DNER: variants seen among roughly 807,000 people sequenced by gnomAD.
The protein encoded by DNER is delta and Notch-like epidermal growth factor-related receptor.
DNER carries 33 observed loss-of-function variants against 78.2 expected under a neutral mutation model. That is an observed-to-expected ratio of 0.42 (90% CI 0.32 to 0.56). DNER has a LOEUF of 0.56. Among genes scored for constraint, DNER ranks in the 20% least tolerant of loss-of-function variants. The probability of loss-of-function intolerance (pLI) is 0.11; values close to 1 mark genes in which losing one functional copy is unlikely to be tolerated. For synonymous variants in DNER, 417 were observed against 384.8 expected (o/e 1.08, Z -0.98); for missense variants, 918 against 975.3 (o/e 0.94, Z 0.78).
chr2:229,425,801 G>A (rs541608554), intron 8 of DNER, among the ~76,000 whole-genome samples: 28 of 152,302 alleles, frequency 1.8e-4, no homozygotes, highest in Middle Eastern at 3.4e-3. Context: ...CCTCTGGAGC[G>A]TGATTTGTGC....
intron 4 of DNER, among the ~76,000 whole-genome samples, chr2:229,567,835 T>C (rs1005363334): frequency 1.3e-5 from 2 of 152,198 alleles, no homozygotes; most frequent in Non-Finnish European, 2.9e-5. Flanking sequence ...AGAGTCTCCC[T>C]TATCTGTCCA....
intron 11 of DNER, among the ~76,000 whole-genome samples, chr2:229,370,281 A>C (rs1364383400): frequency 1.3e-5 from 2 of 152,214 alleles, no homozygotes; most frequent in African/African-American, 4.8e-5. Context: ...ATGCTTCCTG[A>C]GAATCTGAGA....
chr2:229,371,335 C>G (rs1692478280), intron 11 of DNER, among the ~76,000 whole-genome samples: 1 of 152,182 alleles, frequency 6.6e-6, no homozygotes, highest in Admixed American at 6.5e-5. Flanking sequence ...AGTCTCATCA[C>G]ATGAATTGTT....
intron 10 of DNER, among the ~76,000 whole-genome samples, chr2:229,401,362 T>C (rs1458471304): frequency 6.6e-6 from 1 of 152,102 alleles, no homozygotes; most frequent in African/African-American, 2.4e-5. Flanking sequence ...TGTTCACACA[T>C]AAACCTATAT....
intron 1 of DNER, among the ~76,000 whole-genome samples, chr2:229,641,642 C>G (rs1448433954): frequency 6.6e-6 from 1 of 151,658 alleles, no homozygotes. Context: ...GTCCTCTGAT[C>G]CATTAGCAAT....
intron 1 of DNER, among the ~76,000 whole-genome samples, chr2:229,607,874 T>C (rs928266117): frequency 2.0e-5 from 3 of 151,644 alleles, no homozygotes; most frequent in Non-Finnish European, 2.9e-5. Context: ...AATACAAAAT[T>C]AACCGGGCAT....
intron 8 of DNER, among the ~76,000 whole-genome samples, chr2:229,428,434 G>A (rs1292648106): frequency 6.6e-6 from 1 of 152,132 alleles, no homozygotes; most frequent in Non-Finnish European, 1.5e-5. Flanking sequence ...CCAGATTCCT[G>A]GCTGTTTTGT....
intron 6 of DNER, among the ~76,000 whole-genome samples, chr2:229,506,728 C>G (rs1227630091): frequency 7.2e-6 from 1 of 138,802 alleles, no homozygotes; most frequent in East Asian, 2.4e-4. Context: ...TCCAAGTGTT[C>G]TCACTGTTCA....
intron 10 of DNER, among the ~76,000 whole-genome samples, chr2:229,405,889 A>G (rs1337475655): frequency 1.3e-5 from 2 of 152,124 alleles, no homozygotes; most frequent in East Asian, 3.9e-4. Flanking sequence ...TATCTGGGGA[A>G]AAAAAACCCG....
intron 5 of DNER, among the ~76,000 whole-genome samples, chr2:229,525,135 GCGTGTGTCTCAA>G (rs1293653578): frequency 6.6e-6 from 1 of 152,156 alleles, no homozygotes; most frequent in Admixed American, 6.5e-5. Context: ...TAAAAAATAT[GCGTGTGTCTCAA>G]CGCCCATCTT....
chr2:229,586,619 T>G, intron 3 of DNER: 1 of 980,692 alleles, frequency 1.0e-6, no homozygotes, highest in Non-Finnish European at 1.2e-6. Flanking sequence ...CAACCCCAGC[T>G]GCCCTCCTGC....
chr2:229,665,334 T>G (rs1699070699), intron 1 of DNER, among the ~76,000 whole-genome samples: 1 of 152,162 alleles, frequency 6.6e-6, no homozygotes. Context: ...CCAGTGTTTG[T>G]TCCAAGGGTT....
At chr2:229,543,311 G>A (rs191758780) in intron 5 of DNER, among the ~76,000 whole-genome samples, 115 of 152,122 alleles carry the variant, frequency 7.6e-4, no homozygotes, top group African/African-American at 2.7e-3. Flanking sequence ...TTACCTGCCC[G>A]GTGCTAAACA....
chr2:229,441,114 G>A (rs915468222), intron 8 of DNER, among the ~76,000 whole-genome samples: 2 of 151,974 alleles, frequency 1.3e-5, no homozygotes, highest in South Asian at 2.1e-4. Flanking sequence ...ACCTATTGCT[G>A]CATCTAATGC....
At chr2:229,482,962 A>G (rs1377518322) in intron 6 of DNER, among the ~76,000 whole-genome samples, 2 of 152,162 alleles carry the variant, frequency 1.3e-5, no homozygotes, top group Non-Finnish European at 2.9e-5. Flanking sequence ...CTAAGGAGGG[A>G]AGGAAAATAG....
At chr2:229,370,598 C>A (rs1220475566) in intron 11 of DNER, among the ~76,000 whole-genome samples, 1 of 152,180 alleles carries the variant, frequency 6.6e-6, no homozygotes, top group Non-Finnish European at 1.5e-5. Context: ...CTGGTGTGCA[C>A]TGAGAGAGAC....
At chr2:229,387,505 A>AAGAG (rs201937567) in intron 11 of DNER, among the ~76,000 whole-genome samples, 44 of 87,280 alleles carry the variant, frequency 5.0e-4, no homozygotes, top group African/African-American at 6.2e-4. Context: ...GAAAGAAAGA[A>AAGAG]AGAGAGAAAG....
At chr2:229,529,195 TC>T (rs1358293617) in intron 5 of DNER, among the ~76,000 whole-genome samples, 5 of 150,622 alleles carry the variant, frequency 3.3e-5, no homozygotes, top group African/African-American at 1.2e-4. Context: ...CAACATAATA[TC>T]TTTTTTTTTT....
rs58220819 is a variant in DNER, at chr2:229,635,361, GAAAAAAAA to G, written c.277-43481_277-43474del. On this transcript the variant is annotated intron_variant, in intron 1 of 12. Coordinates refer to ENST00000341772, the MANE Select transcript of DNER (RefSeq NM_139072.4). ...CTATGGATGCACTAAGGTCCCACAG[GAAAAAAAA>G]AAAAAAAAAAAAAAAACTCCCATAT... 2.3e-3 allele frequency among the ~76,000 whole-genome samples: 194 copies of G among 85,866 alleles called. 2 individuals are homozygous for G. Among genetic ancestry groups the G allele is most frequent in the African/African-American group, 7.7e-3 (152 of 19,750 alleles). The allele number at this position is 85,866 out of a possible 152,430, so 56.3% of individuals were successfully genotyped here.
Sources: allele counts gnomAD v4.1 joint callset (sites outside exome capture counted in the v4.1 genomes callset), GRCh38; gene constraint gnomAD v4.1.1; transcripts MANE v1.5; gene names NCBI Gene and HGNC (gene_info 2026-07-23, HGNC 2026-07-21).